MBOAT1: variants seen among roughly 807,000 people sequenced by gnomAD.
MBOAT1 encodes membrane-bound glycerophospholipid O-acyltransferase 1.
In MBOAT1, 67 loss-of-function variants were observed where a neutral mutation model predicts 64.4. The ratio of observed to expected loss-of-function variants is 1.04; its 90% CI spans 0.85 to 1.27. The LOEUF (loss-of-function observed/expected upper bound fraction) is 1.27. MBOAT1 is among the 50% of genes most tolerant of loss of function. MBOAT1 has a pLI of 0.00. For missense variants in MBOAT1, 563 were observed against 604.6 expected (o/e 0.93, Z 0.72); for synonymous variants, 229 against 218.9 (o/e 1.05, Z -0.41).
At chr6:20,124,375 C>A in intron 8 of MBOAT1, 33 bp downstream of exon 8, 1 of 1,586,698 alleles carries the variant, frequency 6.3e-7, no homozygotes, top group South Asian at 1.1e-5. Flanking sequence ...GCATTTTTCC[C>A]TCATTCAGTT....
intron 4 of MBOAT1, among the ~76,000 whole-genome samples, chr6:20,136,705 T>C (rs1252967745): frequency 6.6e-6 from 1 of 152,198 alleles, no homozygotes; most frequent in East Asian, 1.9e-4. Flanking sequence ...CAAACAGCAG[T>C]TGTTCCAATT....
Position 20,126,673 on chromosome 6 carries a change from T to G in MBOAT1, c.558A>C (p.Leu186Phe). 1.2e-6 allele frequency: 2 copies of G among 1,611,738 alleles called. No homozygotes were observed. The highest frequency in any genetic ancestry group is 1.1e-5 in the South Asian group (1 of 90,376). ...IKVKPSFLEY[L>F]SYLLNFMSVI... The stretch of plus-strand genomic sequence containing the variant: ...CACTCATGAAATTGAGAAGGTAACT[T>G]AAGTATTCCAAAAAAGAGGGTTTCA... Residue 186 changes from leucine to phenylalanine, a missense_variant, in exon 7 of 13, where the codon TTA becomes TTC. Physicochemically the swap from Leu to Phe is conservative, Grantham distance 22. Transcript: ENST00000324607.
intron 1 of MBOAT1, among the ~76,000 whole-genome samples, chr6:20,200,100 T>C (rs975297669): frequency 6.6e-6 from 1 of 152,138 alleles, no homozygotes; most frequent in East Asian, 1.9e-4. Flanking sequence ...GGACAAAAAA[T>C]AGAAGCTCTT....
At chr6:20,204,157 C>A (rs952979706) in intron 1 of MBOAT1, among the ~76,000 whole-genome samples, 4 of 152,196 alleles carry the variant, frequency 2.6e-5, no homozygotes, top group Admixed American at 2.6e-4. Context: ...TCACCTGGCC[C>A]CTCTCCCCTC....
In MBOAT1 at chr6:20,133,183, G is replaced by A. The variant is rs183601306; in HGVS notation, c.420-1984C>T. 8.1e-3 allele frequency among the ~76,000 whole-genome samples: 1,228 copies of A among 152,304 alleles called. 11 individuals are homozygous for A. Among genetic ancestry groups the A allele is most frequent in the Non-Finnish European group, 0.012 (802 of 68,026 alleles). On this transcript the variant is annotated intron_variant, in intron 4 of 12. Coordinates refer to ENST00000324607, the MANE Select transcript of MBOAT1 (RefSeq NM_001080480.3). ...GATTGCTAATGTTGTACATGAGGCT[G>A]AGAGAGGGAAAGAGAACTCGGCTGT...
At chr6:20,114,870 C>T (rs1353085256) in intron 10 of MBOAT1, among the ~76,000 whole-genome samples, 1 of 144,832 alleles carries the variant, frequency 6.9e-6, no homozygotes, top group African/African-American at 2.6e-5. Context: ...AGCGACATAG[C>T]GAAACTCCTT....
chr6:20,108,340 A>G (rs910503835), intron 12 of MBOAT1, among the ~76,000 whole-genome samples: 10 of 151,636 alleles, frequency 6.6e-5, no homozygotes, highest in African/African-American at 2.4e-4. Flanking sequence ...TTCTCTTCCC[A>G]CTCTTCTGGC....
intron 1 of MBOAT1, among the ~76,000 whole-genome samples, chr6:20,175,055 G>A (rs1453475441): frequency 6.6e-6 from 1 of 152,098 alleles, no homozygotes; most frequent in East Asian, 1.9e-4. Context: ...ACTAAAGGCA[G>A]AATGAAGACT....
chr6:20,116,966 T>C (rs751942472), intron 9 of MBOAT1, among the ~76,000 whole-genome samples: 1 of 152,108 alleles, frequency 6.6e-6, no homozygotes, highest in Admixed American at 6.6e-5. Flanking sequence ...AAGGGGAAAG[T>C]CATAACACAC....
At chr6:20,161,387 G>A (rs1158501699) in intron 1 of MBOAT1, among the ~76,000 whole-genome samples, 6 of 151,980 alleles carry the variant, frequency 3.9e-5, no homozygotes, top group East Asian at 1.9e-4. Context: ...GAAATAAAGT[G>A]CACAATAAAT....
chr6:20,155,017 C>T (rs758101852), intron 1 of MBOAT1, among the ~76,000 whole-genome samples: 14 of 152,366 alleles, frequency 9.2e-5, no homozygotes, highest in Non-Finnish European at 1.8e-4. Context: ...TTCATTCTCA[C>T]AGCCCAGCCT....
In MBOAT1 at chr6:20,124,602, T is replaced by C. The variant is rs772737317; in HGVS notation, c.715-2A>G. ...GCCCAACTTGTGTATCACAGCTCCCTGAAAATGGGGAAAAATCAGTGTCAC... is the reference window on the plus strand; with the variant it reads ...GCCCAACTTGTGTATCACAGCTCCCCGAAAATGGGGAAAAATCAGTGTCAC... On this transcript the variant is annotated splice_acceptor_variant, in intron 7 of 12. Coordinates refer to ENST00000324607, the MANE Select transcript of MBOAT1 (RefSeq NM_001080480.3). LOFTEE classifies it high-confidence loss of function. The C allele has an allele frequency of 6.2e-6, 10 of 1,613,346 alleles. 1 individual carries two copies. The highest frequency in any genetic ancestry group is 1.7e-4 in the Middle Eastern group (1 of 6,056).
intron 1 of MBOAT1, among the ~76,000 whole-genome samples, chr6:20,167,856 C>T (rs930195429): frequency 6.6e-6 from 1 of 152,260 alleles, no homozygotes; most frequent in East Asian, 1.9e-4. Flanking sequence ...ACGAACTGTA[C>T]GATGCATGCT....
chr6:20,156,004 C>G (rs1761666095), intron 1 of MBOAT1, among the ~76,000 whole-genome samples: 2 of 152,144 alleles, frequency 1.3e-5, no homozygotes, highest in Non-Finnish European at 2.9e-5. Context: ...CGCGGTGGCT[C>G]ACGCCTGTAA....
At position 20,142,357 on chromosome 6, in the gene MBOAT1, T is replaced by C. The variant is rs182353486; in HGVS notation, c.419+1863A>G. 1.6e-3 allele frequency among the ~76,000 whole-genome samples: 245 copies of C among 152,330 alleles called. 4 individuals are homozygous for C. The highest frequency in any genetic ancestry group is 7.2e-3 in the Admixed American group (111 of 15,312). ...ATGCTATGGGGAGTTGCAATCCCCA[T>C]TTAGAGATTCCTTTTAATACTATAC... On this transcript the variant is annotated intron_variant, in intron 4 of 12. Coordinates refer to ENST00000324607, the MANE Select transcript of MBOAT1 (RefSeq NM_001080480.3).
chr6:20,198,493 A>G (rs547503923), intron 1 of MBOAT1, among the ~76,000 whole-genome samples: 5 of 152,332 alleles, frequency 3.3e-5, no homozygotes, highest in African/African-American at 1.2e-4. Flanking sequence ...TCATTGCCTA[A>G]CTAGCATTTT....
intron 5 of MBOAT1, among the ~76,000 whole-genome samples, chr6:20,130,720 A>C (rs973912332): frequency 1.3e-5 from 2 of 152,110 alleles, no homozygotes; most frequent in Admixed American, 1.3e-4. Flanking sequence ...AAACAAACAA[A>C]AACCAACCTA....
intron 4 of MBOAT1, among the ~76,000 whole-genome samples, chr6:20,141,426 A>ATCATAGC (rs1227568787): frequency 7.0e-6 from 1 of 143,542 alleles, no homozygotes; most frequent in South Asian, 2.1e-4. Context: ...CAGTGGCATA[A>ATCATAGC]TCATAGCTCA....
At chr6:20,187,365 A>G (rs1223513420) in intron 1 of MBOAT1, among the ~76,000 whole-genome samples, 1 of 152,224 alleles carries the variant, frequency 6.6e-6, no homozygotes, top group African/African-American at 2.4e-5. Context: ...AAATTCCATA[A>G]CAAGATACAT....
Sources: allele counts gnomAD v4.1 joint callset (sites outside exome capture counted in the v4.1 genomes callset), GRCh38; gene constraint gnomAD v4.1.1; transcripts MANE v1.5; gene names NCBI Gene and HGNC (gene_info 2026-07-23, HGNC 2026-07-21).